The following CHRM3 variants were observed in gnomAD, a reference collection of about 807,000 sequenced individuals.
The protein encoded by CHRM3 is muscarinic acetylcholine receptor M3.
Under a neutral mutation model 41.8 loss-of-function variants are expected in CHRM3, and 11 were observed. The observed-to-expected ratio is 0.26, with a 90% CI of 0.17 to 0.44. CHRM3 has a LOEUF of 0.44. CHRM3 is among the 20% of genes least tolerant of loss of function. The pLI is 1.00. For missense variants in CHRM3, 571 were observed against 745.4 expected (o/e 0.77, Z 2.72); for synonymous variants, 297 against 301.4 (o/e 0.99, Z 0.15).
At chr1:239,649,837 A>G (rs961408523) in intron 4 of CHRM3, among the ~76,000 whole-genome samples, 10 of 152,204 alleles carry the variant, frequency 6.6e-5, no homozygotes, top group African/African-American at 2.4e-4. Flanking sequence ...TAATCAGAAA[A>G]GGAGGCAGTC....
chr1:239,793,525 T>G (rs1669509589), intron 5 of CHRM3, among the ~76,000 whole-genome samples: 1 of 152,226 alleles, frequency 6.6e-6, no homozygotes, highest in Admixed American at 6.5e-5. Context: ...TGATTTCTAA[T>G]AATGTTCTAA....
intron 1 of CHRM3, among the ~76,000 whole-genome samples, chr1:239,415,749 C>G (rs1213381423): frequency 6.6e-6 from 1 of 152,118 alleles, no homozygotes; most frequent in Non-Finnish European, 1.5e-5. Context: ...AAACATTTTT[C>G]AGTGTAGTCT....
chr1:239,401,815 T>C lies in CHRM3; in HGVS notation c.-521+14588T>C, dbSNP rs372841477. Among the ~76,000 whole-genome samples the C allele has an allele frequency of 1.0e-3, 159 of 152,170 alleles. 1 individual carries two copies. The highest frequency in any genetic ancestry group is 3.7e-3 in the African/African-American group (153 of 41,524). On this transcript the variant is annotated intron_variant, in intron 1 of 6. Coordinates refer to ENST00000676153, the MANE Select transcript of CHRM3 (RefSeq NM_001375978.1). ...GCAGACTTTGAGGGGATTTTTAAGA[T>C]TATCTAATGGAGGCCTCTTATTTTA...
intron 1 of CHRM3, among the ~76,000 whole-genome samples, chr1:239,415,570 A>C (rs1343000418): frequency 3.9e-5 from 6 of 152,248 alleles, no homozygotes; most frequent in Non-Finnish European, 8.8e-5. Context: ...AGTTGTAAAC[A>C]AAGAAGAAAC....
At chr1:239,616,208 G>A (rs1013016108) in intron 3 of CHRM3, among the ~76,000 whole-genome samples, 5 of 152,160 alleles carry the variant, frequency 3.3e-5, no homozygotes, top group South Asian at 2.1e-4. Context: ...CAGCAAATTC[G>A]TGTGGTTAAA....
chr1:239,508,262 G>T (rs567086765), intron 2 of CHRM3, among the ~76,000 whole-genome samples: 5 of 152,258 alleles, frequency 3.3e-5, no homozygotes, highest in African/African-American at 1.2e-4. Context: ...GAAGCTAGGT[G>T]GTTCTGTACA....
At chr1:239,744,924 A>G (rs535573587) in intron 5 of CHRM3, among the ~76,000 whole-genome samples, 1 of 152,248 alleles carries the variant, frequency 6.6e-6, no homozygotes, top group Admixed American at 6.5e-5. Context: ...GTCAAGAAGC[A>G]GAAATTGAGG....
intron 1 of CHRM3, among the ~76,000 whole-genome samples, chr1:239,405,999 C>A (rs1382205765): frequency 6.6e-6 from 1 of 152,126 alleles, no homozygotes; most frequent in East Asian, 1.9e-4. Flanking sequence ...TGAAGTGATT[C>A]TCCTGCCTCA....
chr1:239,716,511 T>C (rs1481067626), intron 5 of CHRM3, among the ~76,000 whole-genome samples: 1 of 152,166 alleles, frequency 6.6e-6, no homozygotes, highest in Non-Finnish European at 1.5e-5. Context: ...TTAAGCCATG[T>C]ACCAAAGCCT....
chr1:239,790,168 A>G (rs1669226971), intron 5 of CHRM3, among the ~76,000 whole-genome samples: 1 of 152,176 alleles, frequency 6.6e-6, no homozygotes, highest in Admixed American at 6.5e-5. Context: ...CTTGTCTCAC[A>G]TGAGACTTTG....
At chr1:239,503,616 T>G (rs913806935) in intron 2 of CHRM3, among the ~76,000 whole-genome samples, 2 of 152,116 alleles carry the variant, frequency 1.3e-5, no homozygotes, top group Middle Eastern at 3.2e-3. Flanking sequence ...AAAGCAATAC[T>G]AAGCAAAAAG....
At chr1:239,650,067 T>A (rs1054633247) in intron 4 of CHRM3, among the ~76,000 whole-genome samples, 1 of 152,190 alleles carries the variant, frequency 6.6e-6, no homozygotes, top group Non-Finnish European at 1.5e-5. Flanking sequence ...TCCTTCCAGC[T>A]GTGGGACTCT....
In CHRM3 at chr1:239,387,421, C is replaced by T. The variant is rs996066826; in HGVS notation, c.-521+194C>T. On this transcript the variant is annotated intron_variant, in intron 1 of 6. Transcript: ENST00000676153. The surrounding 1 kb of genome is among the most constrained non-coding windows in gnomAD (Gnocchi z 5.1). ...TGTTGATTTGGGGAAGATGGGGGCA[C>T]TTGAATTCCGACAGCGCGATCTGGT... Among the ~76,000 whole-genome samples the T allele has an allele frequency of 5.9e-5, 9 of 152,130 alleles. No individual in the cohort carries two copies. Among genetic ancestry groups the T allele is most frequent in the African/African-American group, 1.9e-4 (8 of 41,538 alleles).
intron 2 of CHRM3, among the ~76,000 whole-genome samples, chr1:239,545,170 A>C (rs1188662719): frequency 6.6e-6 from 1 of 152,218 alleles, no homozygotes; most frequent in Non-Finnish European, 1.5e-5. Flanking sequence ...TTTACTTCTG[A>C]GTCAGACATA....
rs1662368465 is a variant in CHRM3 at position 239,576,586 on chromosome 1, ACACACACG to A, written c.-313+30845_-313+30852del. On this transcript the variant is annotated intron_variant, in intron 3 of 6. Transcript: ENST00000676153. ...CAAAACATCATCTCTACACACACAC[ACACACACG>A]CACACACACACACACACACACACAC... is the stretch of plus-strand genomic sequence containing the variant. Among the ~76,000 whole-genome samples the A allele has an allele frequency of 3.0e-5, 3 of 101,538 alleles. No individual in the cohort carries two copies. In the South Asian group the frequency reaches 1.2e-3, roughly 41 times the overall value. The allele number at this position is 101,538 out of a possible 152,430, so 66.6% of individuals were successfully genotyped here.
At chr1:239,587,415 A>G (rs528772408) in intron 3 of CHRM3, among the ~76,000 whole-genome samples, 2 of 152,336 alleles carry the variant, frequency 1.3e-5, no homozygotes, top group Admixed American at 6.5e-5. Context: ...TAAGCTAGAT[A>G]GAGAGTCCTC....
chr1:239,596,589 T>C lies in CHRM3; in HGVS notation c.-312-35635T>C, dbSNP rs1181321634. ...AAAATATATTTCAAAGATAAGTATA[T>C]ACCTGATGAATTTTAATTTTAATTA... On this transcript the variant is annotated intron_variant, in intron 3 of 6. Transcript: ENST00000676153. Among the ~76,000 whole-genome samples, 4 of 152,204 alleles carry C rather than the reference T, an allele frequency of 2.6e-5. No homozygotes were observed. In the South Asian group the frequency reaches 6.2e-4, roughly 24 times the overall value.
chr1:239,476,388 C>T (rs1259734362), intron 1 of CHRM3, among the ~76,000 whole-genome samples: 5 of 151,502 alleles, frequency 3.3e-5, no homozygotes, highest in Admixed American at 3.3e-4. Flanking sequence ...ATTGCTTGAA[C>T]CAGGAGTTGG....
intron 2 of CHRM3, among the ~76,000 whole-genome samples, chr1:239,500,182 G>C (rs1668134322): frequency 6.6e-6 from 1 of 152,126 alleles, no homozygotes; most frequent in South Asian, 2.1e-4. Flanking sequence ...GTTTATTGCA[G>C]CACTATTCAC....
Sources: allele counts gnomAD v4.1 joint callset (sites outside exome capture counted in the v4.1 genomes callset), GRCh38; gene constraint gnomAD v4.1.1; non-coding constraint Gnocchi (gnomAD v3.1); transcripts MANE v1.5; gene names NCBI Gene and HGNC (gene_info 2026-07-23, HGNC 2026-07-21).